The following ATP8B1 variants were observed in gnomAD, a reference collection of about 807,000 sequenced individuals.
ATP8B1 encodes phospholipid-transporting ATPase IC.
A neutral mutation model predicts 149.9 loss-of-function variants in ATP8B1; 80 were observed. That is an observed-to-expected ratio of 0.53 (90% confidence interval 0.45 to 0.64). The LOEUF is 0.64. ATP8B1 is among the 30% of genes least tolerant of loss of function. The pLI is 0.00. For synonymous variants in ATP8B1, 536 were observed against 562.8 expected (o/e 0.95, Z 0.67); for missense variants, 1,247 against 1,552.6 (o/e 0.80, Z 3.31).
rs565061600 is a variant in ATP8B1, at chr18:57,667,512, G to C, written c.2210-345C>G. The C allele has an allele frequency of 3.4e-4, 91 of 270,888 alleles. No individual in the cohort carries two copies. The South Asian group carries it at 3.7e-3, about 11-fold the overall frequency. 16.8% of individuals were successfully genotyped at this position (270,888 alleles called of 1,614,324 possible). On this transcript the variant is annotated intron_variant, in intron 19 of 27. Coordinates refer to ENST00000648908, the MANE Select transcript of ATP8B1 (RefSeq NM_001374385.1). The stretch of plus-strand genomic sequence containing the variant: ...ATTTTTTAGTTCATGAACATAACCA[G>C]ATTCACACAAACACACTATTTTTCT...
intron 1 of ATP8B1, among the ~76,000 whole-genome samples, chr18:57,789,877 G>A (rs1332669940): frequency 3.3e-5 from 5 of 152,132 alleles, no homozygotes; most frequent in Non-Finnish European, 7.3e-5. Context: ...CTTCCGAAGC[G>A]TTTCCAGCAT....
At chr18:57,754,235 C>T (rs1280309988) in intron 1 of ATP8B1, among the ~76,000 whole-genome samples, 4 of 151,938 alleles carry the variant, frequency 2.6e-5, no homozygotes, top group South Asian at 4.1e-4. Context: ...GTCAAGAGTT[C>T]GAGACCAGTC....
Position 57,652,141 on chromosome 18 carries a change from A to G in ATP8B1, c.3293T>C (p.Val1098Ala). The G allele has an allele frequency of 1.9e-6, 3 of 1,614,194 alleles. No homozygotes were observed. Among genetic ancestry groups the G allele is most frequent in the Non-Finnish European group, 2.5e-6 (3 of 1,180,016 alleles). ...GCTTCCAAAAATTGAAAAAGCATTC[A>G]CAAAAGTCCAATAAGAAGTATCCAA... is the stretch of plus-strand genomic sequence containing the variant. ...IGLDTSYWTF[V>A]NAFSIFGSIA... is the part of the protein sequence containing the mutation. The change falls in exon 26 of 28, where the codon GTG becomes GCG. Residue 1098 changes from valine (V) to alanine (A), a missense_variant. By Grantham distance (64) the Val-to-Ala change is moderately conservative. This residue lies in a region of ATP8B1 where 230 missense variants were observed against 356.6 expected (regional missense o/e 0.65). Coordinates refer to ENST00000648908, the MANE Select transcript of ATP8B1 (RefSeq NM_001374385.1).
At chr18:57,742,201 A>C (rs906540585) in intron 1 of ATP8B1, among the ~76,000 whole-genome samples, 8 of 152,178 alleles carry the variant, frequency 5.3e-5, no homozygotes, top group African/African-American at 1.9e-4. Context: ...TAAAATGACA[A>C]ACTTGATGAC....
chr18:57,729,412 T>C (rs943957238), intron 2 of ATP8B1, among the ~76,000 whole-genome samples: 3 of 152,202 alleles, frequency 2.0e-5, no homozygotes, highest in East Asian at 1.9e-4. Flanking sequence ...ATTCACTGTT[T>C]GGGCAATCAA....
In ATP8B1 at chr18:57,648,192, G is replaced by T; in HGVS notation, c.*296C>A. 2.0e-6 allele frequency: 1 copy of T among 499,594 alleles called. No homozygotes were observed. The highest frequency in any genetic ancestry group is 2.1e-5 in the South Asian group (1 of 48,122). 30.9% of individuals were successfully genotyped at this position (499,594 alleles called of 1,614,324 possible). Reference sequence around the variant, plus strand: ...GTAGAGACAGGGTTTCACCATGTTGGCTGGGCTGGTCTCGAACTCCTGGCC... The same window carrying T: ...GTAGAGACAGGGTTTCACCATGTTGTCTGGGCTGGTCTCGAACTCCTGGCC... On this transcript the variant is annotated 3_prime_UTR_variant, in exon 28 of 28. Coordinates refer to ENST00000648908, the MANE Select transcript of ATP8B1 (RefSeq NM_001374385.1).
intron 1 of ATP8B1, 128 bp from the exon 2 acceptor site, chr18:57,731,960 A>G (rs2079770132): frequency 1.1e-6 from 1 of 894,478 alleles, no homozygotes; most frequent in Non-Finnish European, 1.8e-6. Flanking sequence ...CTGGAATAGT[A>G]CCCCCAAATT....
chr18:57,740,125 T>C (rs960315718), intron 1 of ATP8B1, among the ~76,000 whole-genome samples: 25 of 152,116 alleles, frequency 1.6e-4, no homozygotes, highest in African/African-American at 5.8e-4. Context: ...AGTTTTGCTC[T>C]TGTTGCCCAG....
chr18:57,709,711 G>A (rs541210774), intron 2 of ATP8B1, among the ~76,000 whole-genome samples: 169 of 148,446 alleles, frequency 1.1e-3, no homozygotes, highest in Non-Finnish European at 1.8e-3. Context: ...AGACAGTCTT[G>A]TTCTGTCATC....
chr18:57,762,699 A>G (rs907610734), intron 1 of ATP8B1, among the ~76,000 whole-genome samples: 2 of 152,224 alleles, frequency 1.3e-5, no homozygotes, highest in African/African-American at 4.8e-5. Flanking sequence ...ACAGTGGTGC[A>G]TGTGCCCAGC....
At chr18:57,681,662 G>A (rs539113313) in intron 15 of ATP8B1, among the ~76,000 whole-genome samples, 267 of 151,976 alleles carry the variant, frequency 1.8e-3, no homozygotes, top group African/African-American at 2.1e-3. Flanking sequence ...TTAGCTGGGC[G>A]TGGTGGTGGG....
intron 16 of ATP8B1, among the ~76,000 whole-genome samples, chr18:57,674,588 G>A (rs1470018990): frequency 2.0e-5 from 3 of 151,760 alleles, no homozygotes; most frequent in Non-Finnish European, 4.4e-5. Context: ...GGGTTTCACC[G>A]TGTTAGCCAG....
chr18:57,657,510 T>C (rs1008485741), intron 22 of ATP8B1, among the ~76,000 whole-genome samples: 1 of 152,222 alleles, frequency 6.6e-6, no homozygotes, highest in African/African-American at 2.4e-5. Flanking sequence ...AATCCTGCCC[T>C]AGTTACAGAA....
At position 57,666,323 on chromosome 18, in the gene ATP8B1, T is replaced by G. The variant is rs144640175; in HGVS notation, c.2285+769A>C. On this transcript the variant is annotated intron_variant, in intron 20 of 27. Coordinates refer to ENST00000648908, the MANE Select transcript of ATP8B1 (RefSeq NM_001374385.1). Reference sequence around the variant, plus strand: ...ATGCTAACATTTGAATTATCAGGCCTGCCCCACCTAGACTAGATTACAGGG... The same window carrying G: ...ATGCTAACATTTGAATTATCAGGCCGGCCCCACCTAGACTAGATTACAGGG... Among the ~76,000 whole-genome samples the G allele has an allele frequency of 6.5e-3, 983 of 152,254 alleles. 8 individuals are homozygous for G. Among genetic ancestry groups the G allele is most frequent in the South Asian group, 0.053 (256 of 4,816 alleles).
chr18:57,717,417 G>A (rs923956989), intron 2 of ATP8B1, among the ~76,000 whole-genome samples: 5 of 150,640 alleles, frequency 3.3e-5, no homozygotes, highest in African/African-American at 4.9e-5. Flanking sequence ...GCACAGTGGC[G>A]GGCACCTGTA....
intron 1 of ATP8B1, among the ~76,000 whole-genome samples, chr18:57,736,501 C>T (rs1417332447): frequency 1.5e-5 from 2 of 130,370 alleles, no homozygotes; most frequent in African/African-American, 5.7e-5. Context: ...CACTCTGTCA[C>T]TCAGGCTAGA....
rs191825017 is a variant in ATP8B1 at position 57,797,207 on chromosome 18, A to G, written c.-26+5791T>C. Among the ~76,000 whole-genome samples the G allele has an allele frequency of 2.6e-5, 4 of 152,314 alleles. No homozygotes were observed. The East Asian group carries it at 7.7e-4, about 29-fold the overall frequency. ...GATTTTCTAGTGCAACTCAATTTCA[A>G]TAAAGGTTAGAAAACTGTTTTCAAA... On this transcript the variant is annotated intron_variant, in intron 1 of 27. Coordinates refer to ENST00000648908, the MANE Select transcript of ATP8B1 (RefSeq NM_001374385.1).
At chr18:57,669,756 C>T (rs144232995) in intron 17 of ATP8B1, among the ~76,000 whole-genome samples, 1,635 of 152,100 alleles carry the variant, frequency 0.011, 13 homozygotes, top group South Asian at 0.021. Context: ...CTGAAGCCAT[C>T]CTCTCACCTC....
At chr18:57,762,016 C>A (rs2123331884) in intron 1 of ATP8B1, among the ~76,000 whole-genome samples, 1 of 151,210 alleles carries the variant, frequency 6.6e-6, no homozygotes, top group East Asian at 1.9e-4. Flanking sequence ...GAGTGGCAAT[C>A]CCCACATATC....
Sources: gnomAD v4.1 joint callset for allele counts (sites outside exome capture counted in the v4.1 genomes callset) on GRCh38, gnomAD v4.1.1 for gene constraint, gnomAD v4.1.1 regional missense constraint, MANE v1.5 for transcripts, NCBI Gene and HGNC (gene_info 2026-07-23, HGNC 2026-07-21) for gene names.